Variants in MEF2C observed in about 807,000 individuals in gnomAD.
MEF2C encodes the protein myocyte enhancer factor 2C.
Under a neutral mutation model 50.5 loss-of-function variants are expected in MEF2C, and 6 were observed. The observed-to-expected ratio is 0.12, with a 90% CI of 0.07 to 0.23. The LOEUF (loss-of-function observed/expected upper bound fraction) is 0.23. Ranked by LOEUF, MEF2C falls within the 10% of genes least tolerant of loss-of-function variation. The pLI is 1.00. For missense variants in MEF2C, 276 were observed against 605.0 expected (o/e 0.46, Z 5.70); for synonymous variants, 183 against 228.0 (o/e 0.80, Z 1.78).
chr5:88,875,971 T>C (rs1830927543), intron 1 of MEF2C, among the ~76,000 whole-genome samples: 1 of 151,766 alleles, frequency 6.6e-6, no homozygotes, highest in Admixed American at 6.6e-5. Flanking sequence ...CTGTGGATGT[T>C]ACAAAGAATT....
intron 1 of MEF2C, among the ~76,000 whole-genome samples, chr5:88,868,584 T>TA (rs1241200636): frequency 6.6e-6 from 1 of 152,178 alleles, no homozygotes. Flanking sequence ...TTAGTGAGGC[T>TA]GTCTACTTTC....
intron 4 of MEF2C, among the ~76,000 whole-genome samples, chr5:88,757,790 C>T (rs1776027603): frequency 6.6e-6 from 1 of 152,094 alleles, no homozygotes; most frequent in African/African-American, 2.4e-5. Context: ...GTGGCAGGCA[C>T]CTGTAGTCCC....
intron 3 of MEF2C, among the ~76,000 whole-genome samples, chr5:88,798,111 T>TTA (rs1379762271): frequency 3.3e-5 from 5 of 150,442 alleles, no homozygotes; most frequent in East Asian, 1.9e-4. Flanking sequence ...GTGAATCTGA[T>TTA]TGTGTCTTGG....
chr5:88,745,561 G>A (rs1176743469), intron 6 of MEF2C, among the ~76,000 whole-genome samples: 1 of 152,234 alleles, frequency 6.6e-6, no homozygotes, highest in African/African-American at 2.4e-5. Flanking sequence ...TGTAATCCTA[G>A]CACTTTGGGA....
intron 2 of MEF2C, among the ~76,000 whole-genome samples, chr5:88,811,154 GGATGGTAAACAGACT>G (rs1361331515): frequency 1.3e-5 from 2 of 152,058 alleles, no homozygotes; most frequent in African/African-American, 4.8e-5. Flanking sequence ...AGCATCTACA[GGATGGTAAACAGACT>G]GATGTAGGGT....
chr5:88,903,418 A>G (rs1477698143), intron 1 of MEF2C, among the ~76,000 whole-genome samples: 2 of 151,936 alleles, frequency 1.3e-5, no homozygotes, highest in Non-Finnish European at 2.9e-5. Context: ...TTAAAAATGT[A>G]TTAAAATAAA....
At chr5:88,787,790 C>T (rs930332687) in intron 3 of MEF2C, among the ~76,000 whole-genome samples, 10 of 152,190 alleles carry the variant, frequency 6.6e-5, no homozygotes, top group African/African-American at 2.2e-4. Flanking sequence ...CGTGTGCACG[C>T]ATGATCTTTT....
chr5:88,902,993 A>G (rs996590137), intron 1 of MEF2C, among the ~76,000 whole-genome samples: 1 of 151,876 alleles, frequency 6.6e-6, no homozygotes, highest in Non-Finnish European at 1.5e-5. Context: ...ATTTACTATA[A>G]TACAACAATT....
intron 2 of MEF2C, among the ~76,000 whole-genome samples, chr5:88,814,739 T>G (rs1390066125): frequency 6.6e-6 from 1 of 152,124 alleles, no homozygotes; most frequent in Non-Finnish European, 1.5e-5. Flanking sequence ...CAGTTAGATC[T>G]AAATTAAATA....
intron 1 of MEF2C, among the ~76,000 whole-genome samples, chr5:88,895,454 T>C (rs980570694): frequency 3.9e-5 from 6 of 152,200 alleles, no homozygotes; most frequent in Non-Finnish European, 7.3e-5. Context: ...GATTTTATTT[T>C]TTAGTTACCT....
At position 88,729,452 on chromosome 5, in the gene MEF2C, C is replaced by A. The variant is rs987592906; in HGVS notation, c.835-105G>T. On this transcript the variant is annotated intron_variant, in intron 8 of 10. Transcript: ENST00000504921. The stretch of plus-strand genomic sequence containing the variant: ...CATAAAGAGATAACTTGGTACAAAT[C>A]TCATGAAATTAATCATTTAACATGT... The A allele has an allele frequency of 6.7e-6, 7 of 1,044,490 alleles. No individual in the cohort carries two copies. The East Asian group carries it at 1.6e-4, about 24-fold the overall frequency. The allele number at this position is 1,044,490 out of a possible 1,614,324, so 64.7% of individuals were successfully genotyped here.
At chr5:88,871,936 A>G (rs1332377332) in intron 1 of MEF2C, among the ~76,000 whole-genome samples, 4 of 152,028 alleles carry the variant, frequency 2.6e-5, no homozygotes, top group Admixed American at 6.6e-5. Flanking sequence ...TTTGCTGGTT[A>G]TATTTTCTTT....
chr5:88,902,683 G>A (rs1028009860), intron 1 of MEF2C, among the ~76,000 whole-genome samples: 18 of 151,880 alleles, frequency 1.2e-4, no homozygotes, highest in African/African-American at 4.3e-4. Flanking sequence ...TGTTAAGGAT[G>A]TAGATTTAAA....
Position 88,731,953 on chromosome 5 carries a change from T to C in MEF2C, c.638-52A>G, listed in dbSNP as rs909302829. 4 of 1,515,058 alleles carry C rather than the reference T, an allele frequency of 2.6e-6. No homozygotes were observed. The African/African-American group carries it at 4.2e-5, about 16-fold the overall frequency. The allele number at this position is 1,515,058 out of a possible 1,614,324, so 93.9% of individuals were successfully genotyped here. A position where few individuals can be genotyped will look rare whatever the true frequency, so the allele number is the denominator to read the frequency against. ...TAGGAAGAAATCTAGGTCAAATACG[T>C]TTCCGAAGAATACACAACATGAGAA... is the stretch of plus-strand genomic sequence containing the variant. On this transcript the variant is annotated intron_variant, in intron 6 of 10. Transcript: ENST00000504921.
intron 3 of MEF2C, among the ~76,000 whole-genome samples, chr5:88,787,388 T>G (rs1240435783): frequency 6.6e-6 from 1 of 152,158 alleles, no homozygotes; most frequent in African/African-American, 2.4e-5. Flanking sequence ...CTGACAGCTG[T>G]TATAACCTGC....
intron 5 of MEF2C, 66 bp downstream of exon 5, chr5:88,751,791 T>A (rs1201239471): frequency 1.3e-6 from 2 of 1,510,724 alleles, no homozygotes; most frequent in African/African-American, 2.7e-5. Context: ...GATAAAGCAG[T>A]GTTGGCTTTG....
At chr5:88,761,394 AAG>A in intron 3 of MEF2C, 66 bp from the exon 4 acceptor site, 1 of 1,534,176 alleles carries the variant, frequency 6.5e-7, no homozygotes, top group Non-Finnish European at 8.8e-7. Flanking sequence ...AGGGGCATTA[AAG>A]AAGTTCAAGC....
At chr5:88,886,013 A>G (rs959236362), upstream of MEF2C, among the ~76,000 whole-genome samples, 2 of 152,228 alleles carry the variant, frequency 1.3e-5, no homozygotes, top group Admixed American at 1.3e-4. Flanking sequence ...GCATTCAAAA[A>G]TAAGTATAAC....
chr5:88,794,156 A>G (rs1047992557), intron 3 of MEF2C, among the ~76,000 whole-genome samples: 1 of 152,192 alleles, frequency 6.6e-6, no homozygotes, highest in Non-Finnish European at 1.5e-5. Flanking sequence ...TTGGGTATAT[A>G]CCCAGAAATG....
Sources: gnomAD v4.1 joint callset for allele counts (sites outside exome capture counted in the v4.1 genomes callset) on GRCh38, gnomAD v4.1.1 for gene constraint, MANE v1.5 for transcripts, NCBI Gene and HGNC (gene_info 2026-07-23, HGNC 2026-07-21) for gene names.